PIDD1: variants seen among roughly 807,000 people sequenced by gnomAD.
The protein encoded by PIDD1 is p53-induced death domain-containing protein 1.
PIDD1 carries 72 observed loss-of-function variants against 80.0 expected under a neutral mutation model. The observed-to-expected ratio is 0.90, with a 90% CI of 0.74 to 1.09. The LOEUF (loss-of-function observed/expected upper bound fraction) is 1.09. PIDD1 is among the 50% of genes least tolerant of loss of function. PIDD1 has a pLI of 0.00. For missense variants in PIDD1, 1,329 were observed against 1,228.3 expected, an observed-to-expected ratio of 1.08 and a Z score of -1.23; for synonymous variants, 655 against 543.5, an observed-to-expected ratio of 1.21 and a Z score of -2.85.
chr11:803,007 G>A, intron 3 of PIDD1, 116 bp from the exon 4 acceptor site: 1 of 1,055,018 alleles, frequency 9.5e-7, no homozygotes, highest in Non-Finnish European at 1.4e-6. Flanking sequence ...TGGGCTCAGA[G>A]AACTCTGACA....
upstream of PIDD1, among the ~76,000 whole-genome samples, chr11:806,776 GGTTTCACC>G (rs1211907805): frequency 7.0e-6 from 1 of 143,218 alleles, no homozygotes; most frequent in Non-Finnish European, 1.6e-5. Flanking sequence ...GTAGAGACGG[GGTTTCACC>G]GTGTTACCTA....
chr11:800,388 T>C lies in PIDD1; in HGVS notation c.2105A>G (p.Lys702Arg). The C allele has an allele frequency of 2.5e-6, 4 of 1,595,604 alleles. No individual in the cohort carries two copies. Among genetic ancestry groups the C allele is most frequent in the Non-Finnish European group, 3.4e-6 (4 of 1,169,218 alleles). ...FVFYSHLKNV[K>R]EVYVTTTLDR... The stretch of plus-strand genomic sequence containing the variant: ...CAGAGTGGTGGTCACGTATACCTCC[T>C]TCACATTCTTCAGGTGCGAGTAGAA... Residue 702 changes from lysine to arginine, a missense_variant, in exon 13 of 16, where the codon AAG becomes AGG. Coordinates refer to ENST00000347755, the MANE Select transcript of PIDD1 (RefSeq NM_145886.4).
chr11:806,830 G>A (rs906501803), upstream of PIDD1, among the ~76,000 whole-genome samples: 4 of 152,178 alleles, frequency 2.6e-5, no homozygotes, highest in Middle Eastern at 6.8e-3. Flanking sequence ...TGATCCACCC[G>A]CCTCGGCCTC....
At chr11:809,369 C>T (rs1299178810), upstream of PIDD1, 2 of 152,252 alleles carry the variant, frequency 1.3e-5, no homozygotes, top group Admixed American at 1.3e-4. Flanking sequence ...GGGCGGCCTC[C>T]CAGATAGGGC....
At chr11:805,953 G>C (rs187229435), upstream of PIDD1, 1,772 of 152,380 alleles carry the variant, frequency 0.012, 12 homozygotes, top group Non-Finnish European at 0.017. Flanking sequence ...ACAAAAATTA[G>C]CCGGGCGTGG....
At chr11:803,687 TCCCACCCCACC>T in intron 2 of PIDD1, 100 bp from the exon 3 acceptor site, 1 of 1,366,058 alleles carries the variant, frequency 7.3e-7, no homozygotes, top group African/African-American at 1.4e-5. Context: ...GGCACAGACC[TCCCACCCCACC>T]CCCACCCCAG....
Position 802,736 on chromosome 11 carries a change from G to C in PIDD1, c.865C>G (p.Arg289Gly). ...TCACCCAGGGGGTTCCCCTGCAGGC[G>C]CACAAAGGGGGCGTCTAGCAGCTCA... ...PPELLDAPFV[R>G]LQGNPLGEAS... Residue 289 changes from arginine to glycine, a missense_variant, in exon 4 of 16, where the codon CGC (arginine) becomes GGC (glycine). By Grantham distance (125) the Arg-to-Gly change is moderately radical (BLOSUM62 -2). Coordinates refer to ENST00000347755, the MANE Select transcript of PIDD1 (RefSeq NM_145886.4). 5 of 1,611,162 alleles carry C rather than the reference G, an allele frequency of 3.1e-6. No homozygotes were observed. In the East Asian group the frequency reaches 1.1e-4, roughly 36 times the overall value.
intron 10 of PIDD1, 30 bp downstream of exon 10, chr11:800,955 G>T (rs369275993): frequency 3.8e-5 from 60 of 1,592,414 alleles, no homozygotes; most frequent in Admixed American, 1.4e-4. Context: ...GACTGGGGGA[G>T]GGGGGCTGAG....
chr11:807,863 C>G (rs527626485), upstream of PIDD1, among the ~76,000 whole-genome samples: 135 of 152,322 alleles, frequency 8.9e-4, no homozygotes, highest in African/African-American at 3.1e-3. Flanking sequence ...GTTCCCAGGA[C>G]GCAATCCTCA....
chr11:800,993 G>T lies in PIDD1; in HGVS notation c.1758C>A (p.His586Gln), dbSNP rs763160492. The change falls in exon 10 of 16, where the codon CAC (histidine) becomes CAA (glutamine). Residue 586 changes from histidine (H) to glutamine (Q), a missense_variant. Physicochemically the swap from His to Gln is conservative, Grantham distance 24 (BLOSUM62 0). Coordinates refer to ENST00000347755, the MANE Select transcript of PIDD1 (RefSeq NM_145886.4). ...THLYARFQVT[H>Q]FSWYWLWYTT... ...AGCTGGGGGGCACTGACCAGGAGAA[G>T]TGTGTGACCTGGAAGCGTGCGTACA... The T allele has an allele frequency of 2.5e-6, 4 of 1,604,802 alleles. No individual in the cohort carries two copies. The highest frequency in any genetic ancestry group is 2.2e-5 in the East Asian group (1 of 44,608).
chr11:803,787 A>T, intron 2 of PIDD1, 200 bp from the exon 3 acceptor site: 2 of 654,348 alleles, frequency 3.1e-6, no homozygotes, highest in East Asian at 2.7e-5. Context: ...CCACCGGCTC[A>T]TCTCAGCTGA....
In PIDD1 at chr11:802,895, C is replaced by A; in HGVS notation, c.710-4G>T. 1 of 1,556,772 alleles carries A rather than the reference C, an allele frequency of 6.4e-7. No individual in the cohort carries two copies. The highest frequency in any genetic ancestry group is 2.4e-5 in the East Asian group (1 of 41,754). On this transcript the variant is annotated splice_polypyrimidine_tract_variant and splice_region_variant and intron_variant, in intron 3 of 15. Transcript: ENST00000347755. ...AGCCGCAAGGACCGAAGTCCCGCTG[C>A]GGGCAGTTGCTGGCTTAGGCTTGGC...
upstream of PIDD1, chr11:805,480 T>C: frequency 4.7e-6 from 2 of 424,970 alleles, no homozygotes; most frequent in Non-Finnish European, 6.3e-6. Context: ...CCGTACAGCC[T>C]CCCCCGCCCG....
chr11:801,022 G>A lies in PIDD1; in HGVS notation c.1729C>T (p.His577Tyr), dbSNP rs1452371762. ...GTGACCTGGAAGCGTGCGTACAGGT[G>A]GGTGAGCTCCAGGACCACCTGAGCT... ...ITAQVVLELT[H>Y]LYARFQVTHF... The change falls in exon 10 of 16, where the codon CAC becomes TAC. Residue 577 changes from histidine (H) to tyrosine (Y), a missense_variant. His to Tyr is a moderately conservative substitution (Grantham distance 83, BLOSUM62 2). Transcript: ENST00000347755. 1 of 1,602,870 alleles carries A rather than the reference G, an allele frequency of 6.2e-7. No individual in the cohort carries two copies. The highest frequency in any genetic ancestry group is 1.3e-5 in the African/African-American group (1 of 74,806).
Position 799,393 on chromosome 11 carries a change from T to C in PIDD1, c.2647A>G (p.Ser883Gly), listed in dbSNP as rs751647065. The change falls in exon 16 of 16, where the codon AGC (serine) becomes GGC (glycine). Residue 883 changes from serine to glycine, a missense_variant. Coordinates refer to ENST00000347755, the MANE Select transcript of PIDD1 (RefSeq NM_145886.4). Reference protein sequence around the residue: ...LELGRRKYQDSIRRMGLAPKD... With the variant: ...LELGRRKYQDGIRRMGLAPKD... ...GGGGCCAAGCCCATGCGTCGGATGC[T>C]GTCCTGGTACTTGCGGCGGCCGAGC... 2.5e-6 allele frequency: 4 copies of C among 1,611,880 alleles called. No individual in the cohort carries two copies. In the African/African-American group the frequency reaches 5.3e-5, roughly 22 times the overall value.
chr11:802,956 G>T, intron 3 of PIDD1, 65 bp from the exon 4 acceptor site: 1 of 1,372,474 alleles, frequency 7.3e-7, no homozygotes, highest in Non-Finnish European at 1.0e-6. Flanking sequence ...CACTCCTGCT[G>T]CCGCCTCCCA....
Position 801,212 on chromosome 11 carries a change from T to C in PIDD1, c.1630+6A>G. 3 of 1,547,700 alleles carry C rather than the reference T, an allele frequency of 1.9e-6. No homozygotes were observed. The highest frequency in any genetic ancestry group is 1.7e-6 in the Non-Finnish European group (2 of 1,144,142). On this transcript the variant is annotated splice_donor_region_variant and intron_variant, in intron 9 of 15. Coordinates refer to ENST00000347755, the MANE Select transcript of PIDD1 (RefSeq NM_145886.4). ...GGTCCAGGTATGCCCCATGGCTGCC[T>C]CTCACCTGTGATGCCAGAGGGCAGA... is the stretch of plus-strand genomic sequence containing the variant.
In PIDD1 at chr11:801,475, G is replaced by A; in HGVS notation, c.1452C>T (p.Ala484=). ...PGVKVIFPPG[A]TEEPRRVSMQ... Reference sequence around the variant, plus strand: ...TGGAGACTCGACGAGGCTCCTCAGTGGCCCCAGGGGGGAAGATGACTTTGA... The same window carrying A: ...TGGAGACTCGACGAGGCTCCTCAGTAGCCCCAGGGGGGAAGATGACTTTGA... Residue 484 remains alanine (A), a synonymous_variant, in exon 8 of 16, where the codon GCC becomes GCT. Transcript: ENST00000347755. The A allele has an allele frequency of 6.5e-7, 1 of 1,543,466 alleles. No individual in the cohort carries two copies. The highest frequency in any genetic ancestry group is 8.8e-7 in the Non-Finnish European group (1 of 1,142,210).
chr11:804,280 G>C lies in PIDD1; in HGVS notation c.109C>G (p.Arg37Gly). The change falls in exon 2 of 16, where the codon CGG becomes GGG. Residue 37 changes from arginine (R) to glycine (G), a missense_variant. Physicochemically the swap from Arg to Gly is moderately radical, Grantham distance 125. Coordinates refer to ENST00000347755, the MANE Select transcript of PIDD1 (RefSeq NM_145886.4). The part of the protein sequence containing the change: ...SRALPFLGGN[R>G]LSLDLYPGGC... ...CCGGGGTACAGGTCCAAGCTCAGCC[G>C]GTTGCCGCCCAGGAAAGGCAGCGCC... is the stretch of plus-strand genomic sequence containing the variant. 6.2e-7 allele frequency: 1 copy of C among 1,612,960 alleles called. No homozygotes were observed. Among genetic ancestry groups the C allele is most frequent in the African/African-American group, 1.3e-5 (1 of 75,062 alleles).
Sources: gnomAD v4.1 joint callset for allele counts (sites outside exome capture counted in the v4.1 genomes callset) on GRCh38, gnomAD v4.1.1 for gene constraint, MANE v1.5 for transcripts, NCBI Gene and HGNC (gene_info 2026-07-23, HGNC 2026-07-21) for gene names.